The following USP9X variants were observed in gnomAD, a reference collection of about 807,000 sequenced individuals.
USP9X encodes ubiquitin carboxyl-terminal hydrolase 9X.
A neutral mutation model predicts 190.3 loss-of-function variants in USP9X; 7 were observed. The ratio of observed to expected loss-of-function variants is 0.04; its 90% CI spans 0.02 to 0.07. USP9X has a LOEUF of 0.07. USP9X is among the 10% of genes least tolerant of loss of function. USP9X has a pLI of 1.00. For missense variants in USP9X, 1,010 were observed against 1,916.9 expected, an observed-to-expected ratio of 0.53 and a Z score of 8.83; for synonymous variants, 645 against 659.5, an observed-to-expected ratio of 0.98 and a Z score of 0.34.
At chrX:41,214,244 G>A (rs2063190933) in intron 33 of USP9X, among the ~76,000 whole-genome samples, 2 of 112,229 alleles carry the variant, frequency 1.8e-5, no homozygotes, top group Non-Finnish European at 3.8e-5. Flanking sequence ...AAGCAGCATC[G>A]TATACTACAA....
intron 1 of USP9X, among the ~76,000 whole-genome samples, chrX:41,090,909 G>A (rs755077884): frequency 1.8e-5 from 2 of 110,913 alleles, no homozygotes; most frequent in South Asian, 3.9e-4. Context: ...TTGTCACTTA[G>A]CACCTTCTCG....
chrX:41,214,463 T>C, intron 33 of USP9X, 105 bp from the exon 34 acceptor site: 1 of 803,167 alleles, frequency 1.2e-6, no homozygotes, highest in Middle Eastern at 4.6e-4. Context: ...ACCCTAGAAC[T>C]TAAAGTATAA....
chrX:41,198,946 G>T (rs2063014426), intron 30 of USP9X, among the ~76,000 whole-genome samples, 196 bp downstream of exon 30: 1 of 111,961 alleles, frequency 8.9e-6, no homozygotes, highest in African/African-American at 3.2e-5. Flanking sequence ...CAGCACTTTG[G>T]GAGGCCAAGG....
At chrX:41,181,655 G>A (rs772141400) in intron 21 of USP9X, among the ~76,000 whole-genome samples, 1 of 108,461 alleles carries the variant, frequency 9.2e-6, no homozygotes, top group African/African-American at 3.4e-5. Flanking sequence ...CACCATGTTG[G>A]TCAGGCTAGT....
chrX:41,103,095 A>G (rs1478961490), intron 1 of USP9X, among the ~76,000 whole-genome samples: 1 of 112,422 alleles, frequency 8.9e-6, no homozygotes, highest in African/African-American at 3.2e-5. Flanking sequence ...CGCCCGGCCT[A>G]ACTTTGAGTT....
At chrX:41,205,250 C>T in intron 31 of USP9X, 53 bp from the exon 32 acceptor site, 2 of 945,070 alleles carry the variant, frequency 2.1e-6, no homozygotes, top group Non-Finnish European at 2.9e-6. Flanking sequence ...TGGCATTTGT[C>T]TCAACGTATT....
rs1045240628 is a variant in USP9X at position 41,144,442 on chromosome X, A to G, written c.1315-80A>G. On this transcript the variant is annotated intron_variant, in intron 10 of 44. Coordinates refer to ENST00000378308, the MANE Select transcript of USP9X (RefSeq NM_001039591.3). ...TGAAGGAGATAGGAGTACTTTATTA[A>G]TTGTCAGCAAGCAGTATACACTACT... The G allele has an allele frequency of 6.3e-6, 5 of 789,950 alleles. No homozygotes were observed. The Admixed American group carries it at 1.2e-4, about 19-fold the overall frequency. The allele number at this position is 789,950 out of a possible 1,213,427, so 65.1% of individuals were successfully genotyped here. A position where few individuals can be genotyped will look rare whatever the true frequency, so the allele number is the denominator to read the frequency against.
chrX:41,151,810 G>T (rs944840385), intron 13 of USP9X, among the ~76,000 whole-genome samples: 31 of 112,099 alleles, frequency 2.8e-4, no homozygotes, highest in African/African-American at 9.7e-4. Flanking sequence ...GCGAAACCCC[G>T]TCTCTACTGA....
chrX:41,106,579 G>A (rs1261123030), intron 1 of USP9X, among the ~76,000 whole-genome samples: 1 of 89,423 alleles, frequency 1.1e-5, no homozygotes, highest in Admixed American at 1.4e-4. Flanking sequence ...CACTCAGGCT[G>A]GAGTGCAATG....
At chrX:41,196,397 T>TTTAA in intron 27 of USP9X, 38 bp downstream of exon 27, 2 of 1,177,855 alleles carry the variant, frequency 1.7e-6, no homozygotes, top group Non-Finnish European at 2.3e-6. Flanking sequence ...ATGTGATTCA[T>TTTAA]TCTTTAAGCA....
chrX:41,182,581 C>T (rs2062837204), intron 21 of USP9X, among the ~76,000 whole-genome samples: 1 of 110,699 alleles, frequency 9.0e-6, no homozygotes, highest in Non-Finnish European at 1.9e-5. Context: ...TGTTCAACTT[C>T]TTTATGCTTG....
intron 1 of USP9X, among the ~76,000 whole-genome samples, chrX:41,087,424 CTA>C (rs1491434517): frequency 1.8e-5 from 2 of 112,290 alleles, no homozygotes; most frequent in African/African-American, 3.2e-5. Context: ...AAAATAGAGA[CTA>C]TAAACTCTCC....
In USP9X at chrX:41,140,727, T is replaced by A; in HGVS notation, c.726T>A (p.Ile242=). The change falls in exon 7 of 45, where the codon ATT becomes ATA. Residue 242 remains isoleucine, a synonymous_variant. Transcript: ENST00000378308. ...TCCAGATTTTGCATGATCGTTTTAT[T>A]AATGGATCAGCATTAAACGTTCAAA... is the stretch of plus-strand genomic sequence containing the variant. The part of the protein sequence containing the change: ...NGFQILHDRF[I]NGSALNVQII... The A allele has an allele frequency of 7.5e-6, 9 of 1,205,683 alleles. No homozygotes were observed. The highest frequency in any genetic ancestry group is 1.0e-5 in the Non-Finnish European group (9 of 893,648).
chrX:41,160,006 G>A (rs2062615009), intron 14 of USP9X, among the ~76,000 whole-genome samples: 2 of 106,937 alleles, frequency 1.9e-5, no homozygotes, highest in Admixed American at 2.1e-4. Context: ...GGTACTTTAT[G>A]ACTCGATGTT....
At chrX:41,199,024 AAAT>A (rs1377092642) in intron 30 of USP9X, among the ~76,000 whole-genome samples, 1 of 110,508 alleles carries the variant, frequency 9.0e-6, no homozygotes, top group Admixed American at 9.6e-5. Flanking sequence ...TCTCTACAAA[AAAT>A]ACAAAAATTA....
At chrX:41,181,261 A>G (rs2062821985) in intron 21 of USP9X, among the ~76,000 whole-genome samples, 3 of 94,679 alleles carry the variant, frequency 3.2e-5, no homozygotes, top group African/African-American at 1.2e-4. Context: ...CTTAAATGCT[A>G]TTTCTCATTT....
At chrX:41,230,347 T>G (rs1332050107) in intron 43 of USP9X, among the ~76,000 whole-genome samples, 154 bp from the exon 44 acceptor site, 9 of 110,688 alleles carry the variant, frequency 8.1e-5, no homozygotes, top group Admixed American at 3.8e-4. Context: ...TTTTTTTTTT[T>G]TTTGTTTTTT....
At chrX:41,226,209 A>G (rs1569203531) in intron 41 of USP9X, among the ~76,000 whole-genome samples, 1 of 112,432 alleles carries the variant, frequency 8.9e-6, no homozygotes, top group Non-Finnish European at 1.9e-5. Flanking sequence ...AACTTTTAGA[A>G]TGTTAACTTT....
intron 14 of USP9X, 77 bp from the exon 15 acceptor site, chrX:41,162,713 T>A: frequency 1.2e-6 from 1 of 814,151 alleles, no homozygotes; most frequent in Non-Finnish European, 1.7e-6. Flanking sequence ...TTAACTGGCC[T>A]AATTTCTTTG....
Sources: allele counts gnomAD v4.1 joint callset (sites outside exome capture counted in the v4.1 genomes callset), GRCh38; gene constraint gnomAD v4.1.1; transcripts MANE v1.5; gene names NCBI Gene and HGNC (gene_info 2026-07-23, HGNC 2026-07-21).